Variants in COL25A1 observed in about 807,000 individuals in gnomAD.
COL25A1 encodes collagen type XXV alpha 1 chain.
A neutral mutation model predicts 128.4 loss-of-function variants in COL25A1; 103 were observed. The ratio of observed to expected loss-of-function variants is 0.80; its 90% CI spans 0.68 to 0.94. The LOEUF is 0.94. Among genes scored for constraint, COL25A1 ranks in the 40% least tolerant of loss-of-function variants. COL25A1 has a pLI of 0.00. For synonymous variants in COL25A1, 279 were observed against 277.2 expected (o/e 1.01, Z -0.06); for missense variants, 745 against 840.0 (o/e 0.89, Z 1.40).
At chr4:109,163,586 G>A (rs758365089) in intron 3 of COL25A1, among the ~76,000 whole-genome samples, 8 of 152,182 alleles carry the variant, frequency 5.3e-5, no homozygotes, top group Non-Finnish European at 7.3e-5. Context: ...AGGCTGCATG[G>A]CAGATTTTGG....
At chr4:109,028,829 G>A (rs1758567831) in intron 5 of COL25A1, among the ~76,000 whole-genome samples, 1 of 152,166 alleles carries the variant, frequency 6.6e-6, no homozygotes, top group South Asian at 2.1e-4. Flanking sequence ...AGAGTGATAA[G>A]AACAAGGAGA....
chr4:109,258,365 G>A (rs1432866595), intron 3 of COL25A1, among the ~76,000 whole-genome samples: 1 of 151,964 alleles, frequency 6.6e-6, no homozygotes, highest in Non-Finnish European at 1.5e-5. Context: ...CAACCTGTGG[G>A]CTCTATGACC....
At chr4:109,236,189 A>G (rs1779468826) in intron 3 of COL25A1, among the ~76,000 whole-genome samples, 3 of 152,096 alleles carry the variant, frequency 2.0e-5, no homozygotes, top group Admixed American at 2.0e-4. Context: ...TTCACTTTAC[A>G]AAAGATTTCT....
chr4:109,232,275 T>C (rs1464645178), intron 3 of COL25A1, among the ~76,000 whole-genome samples: 2 of 152,182 alleles, frequency 1.3e-5, no homozygotes, highest in Non-Finnish European at 2.9e-5. Flanking sequence ...GAATTCATCA[T>C]ACGAATTGAT....
At chr4:109,033,516 G>A (rs1188215607) in intron 5 of COL25A1, among the ~76,000 whole-genome samples, 3 of 152,122 alleles carry the variant, frequency 2.0e-5, no homozygotes, top group Admixed American at 2.0e-4. Flanking sequence ...ACCAAGTTAT[G>A]GCTCAGATTT....
At chr4:109,052,413 T>C (rs1761081015) in intron 3 of COL25A1, among the ~76,000 whole-genome samples, 2 of 152,290 alleles carry the variant, frequency 1.3e-5, no homozygotes, top group South Asian at 4.1e-4. Flanking sequence ...GACAGACATC[T>C]ATTGAATATG....
chr4:109,272,995 T>C (rs1039304361), intron 3 of COL25A1, among the ~76,000 whole-genome samples: 3 of 152,118 alleles, frequency 2.0e-5, no homozygotes, highest in Admixed American at 2.0e-4. Flanking sequence ...AATGGAGGTA[T>C]TTAAGCATTA....
intron 11 of COL25A1, among the ~76,000 whole-genome samples, chr4:108,921,539 C>A (rs1162687159): frequency 6.6e-6 from 1 of 152,156 alleles, no homozygotes; most frequent in Non-Finnish European, 1.5e-5. Flanking sequence ...TAATGACCAG[C>A]CTATTTTCAG....
Position 108,827,208 on chromosome 4 carries a change from G to T in COL25A1, c.1711-20C>A, listed in dbSNP as rs932935099. On this transcript the variant is annotated intron_variant, in intron 32 of 37. Coordinates refer to ENST00000399132, the MANE Select transcript of COL25A1 (RefSeq NM_198721.4). ...TTCACCCTAAAATGAAAAGTAGAAA[G>T]TTCAAATCATACACACCCACCTACA... 9 of 1,611,566 alleles carry T rather than the reference G, an allele frequency of 5.6e-6. No homozygotes were observed. Among genetic ancestry groups the T allele is most frequent in the Non-Finnish European group, 7.6e-6 (9 of 1,177,884 alleles).
intron 3 of COL25A1, among the ~76,000 whole-genome samples, chr4:109,131,595 C>G (rs1008315821): frequency 6.6e-6 from 1 of 152,182 alleles, no homozygotes; most frequent in Non-Finnish European, 1.5e-5. Flanking sequence ...GAGATGAAAG[C>G]TGTGTGATCA....
At chr4:109,097,766 C>A (rs993523797) in intron 3 of COL25A1, among the ~76,000 whole-genome samples, 2 of 148,890 alleles carry the variant, frequency 1.3e-5, no homozygotes, top group Non-Finnish European at 3.0e-5. Context: ...TGGGTTCAGG[C>A]GATTCTCCTG....
At chr4:109,136,468 C>T (rs1415407097) in intron 3 of COL25A1, among the ~76,000 whole-genome samples, 1 of 152,152 alleles carries the variant, frequency 6.6e-6, no homozygotes, top group African/African-American at 2.4e-5. Flanking sequence ...AGAGCTCCTA[C>T]CCAAATGTGG....
At chr4:109,087,356 TA>T (rs1399593586) in intron 3 of COL25A1, among the ~76,000 whole-genome samples, 4 of 152,048 alleles carry the variant, frequency 2.6e-5, no homozygotes, top group African/African-American at 7.2e-5. Context: ...GGTCTGCACC[TA>T]AAACACAGAA....
intron 3 of COL25A1, among the ~76,000 whole-genome samples, chr4:109,219,858 C>T (rs373795919): frequency 2.8e-4 from 42 of 152,218 alleles, no homozygotes; most frequent in African/African-American, 9.9e-4. Flanking sequence ...TTTTGTTATC[C>T]TACTAAACAG....
At chr4:108,865,080 C>G (rs2125799048) in intron 20 of COL25A1, among the ~76,000 whole-genome samples, 1 of 152,238 alleles carries the variant, frequency 6.6e-6, no homozygotes, top group South Asian at 2.1e-4. Context: ...TGCTAAATTG[C>G]CCTCCAGGAA....
At position 108,862,535 on chromosome 4, in the gene COL25A1, C is replaced by T; in HGVS notation, c.1163G>A (p.Gly388Asp). 6.2e-7 allele frequency: 1 copy of T among 1,611,470 alleles called. No individual in the cohort carries two copies. Among genetic ancestry groups the T allele is most frequent in the African/African-American group, 1.3e-5 (1 of 74,958 alleles). ...CTTTGGGCCTCTAGTTCCTGATTCA[C>T]CTTGTTTCCCCTATTACAGCAGAAT... ...PGAPGPKGKQ[G>D]ESGTRGPKGS... The change falls in exon 22 of 38, where the codon GGT becomes GAT. Residue 388 changes from glycine to aspartate, a missense_variant. Gly to Asp is a moderately conservative substitution (Grantham distance 94). This residue lies in a region of COL25A1 where 387 missense variants were observed against 441.9 expected (regional missense o/e 0.88). Coordinates refer to ENST00000399132, the MANE Select transcript of COL25A1 (RefSeq NM_198721.4).
intron 20 of COL25A1, among the ~76,000 whole-genome samples, chr4:108,867,367 T>C (rs1738065700): frequency 6.6e-6 from 1 of 152,218 alleles, no homozygotes; most frequent in South Asian, 2.1e-4. Context: ...CGTTCTTGTA[T>C]TAACAGGGAA....
intron 3 of COL25A1, among the ~76,000 whole-genome samples, chr4:109,081,316 CAAAAATTATA>C (rs1482749481): frequency 6.6e-6 from 1 of 152,066 alleles, no homozygotes; most frequent in Non-Finnish European, 1.5e-5. Context: ...AAGGGATATA[CAAAAATTATA>C]GAAAATATCT....
intron 6 of COL25A1, among the ~76,000 whole-genome samples, chr4:108,986,806 AGG>A (rs2126006437): frequency 6.6e-6 from 1 of 152,334 alleles, no homozygotes; most frequent in South Asian, 2.1e-4. Flanking sequence ...TAATTTTATT[AGG>A]GTTGATGATA....
Sources: allele counts gnomAD v4.1 joint callset (sites outside exome capture counted in the v4.1 genomes callset), GRCh38; gene constraint gnomAD v4.1.1; regional missense constraint gnomAD v4.1.1; transcripts MANE v1.5; gene names NCBI Gene and HGNC (gene_info 2026-07-23, HGNC 2026-07-21).